CEACAM1: variants seen among roughly 807,000 people sequenced by gnomAD.
CEACAM1 encodes CEA cell adhesion molecule 1, also known as cell adhesion molecule CEACAM1.
CEACAM1 carries 31 observed loss-of-function variants against 49.1 expected under a neutral mutation model. That is an observed-to-expected ratio of 0.63 (90% CI 0.47 to 0.85). The LOEUF (loss-of-function observed/expected upper bound fraction) is 0.85. Ranked by LOEUF, CEACAM1 falls within the 40% of genes least tolerant of loss-of-function variation. The pLI is 0.00. For synonymous variants in CEACAM1, 244 were observed against 247.8 expected (o/e 0.98, Z 0.14); for missense variants, 570 against 645.3 (o/e 0.88, Z 1.26).
chr19:42,519,521 C>T (rs1049750117), intron 4 of CEACAM1: 10 of 349,326 alleles, frequency 2.9e-5, no homozygotes, highest in South Asian at 4.2e-5. Context: ...TTCTTCTCAG[C>T]GCACAGACCG....
At chr19:42,524,550 C>G (rs919948449) in intron 2 of CEACAM1, among the ~76,000 whole-genome samples, 1 of 152,170 alleles carries the variant, frequency 6.6e-6, no homozygotes, top group Non-Finnish European at 1.5e-5. Context: ...GCAGGGGTGG[C>G]TGCTCTGGGC....
At chr19:42,525,224 ATTT>A (rs538996240) in intron 2 of CEACAM1, among the ~76,000 whole-genome samples, 5 of 131,044 alleles carry the variant, frequency 3.8e-5, no homozygotes, top group Middle Eastern at 3.6e-3. Flanking sequence ...AGGCCTGAAC[ATTT>A]TTTTTTTTTT....
chr19:42,511,566 C>T lies in CEACAM1; in HGVS notation c.1429+10G>A. The T allele has an allele frequency of 6.2e-7, 1 of 1,610,796 alleles. No individual in the cohort carries two copies. The highest frequency in any genetic ancestry group is 8.5e-7 in the Non-Finnish European group (1 of 1,177,372). ...TACCAGTTCTCACTGGGGTAAGTGG[C>T]TTTACTTACTGTGGTTGGAGACTGA... On this transcript the variant is annotated intron_variant, in intron 7 of 8. Transcript: ENST00000161559.
chr19:42,524,336 C>T (rs2041835653), intron 2 of CEACAM1, among the ~76,000 whole-genome samples: 1 of 152,216 alleles, frequency 6.6e-6, no homozygotes, highest in African/African-American at 2.4e-5. Flanking sequence ...TGTGAGCCCA[C>T]AGCAGAACAG....
At chr19:42,512,683 C>CTT (rs753850463) in intron 5 of CEACAM1, among the ~76,000 whole-genome samples, 1 of 138,468 alleles carries the variant, frequency 7.2e-6, no homozygotes, top group African/African-American at 2.7e-5. Flanking sequence ...TTTTTCTTTT[C>CTT]TTTTTTTTTT....
rs961642665 is a variant in CEACAM1, at chr19:42,508,415, G to C, written c.*694C>G. 9 of 152,382 alleles carry C rather than the reference G, an allele frequency of 5.9e-5. No homozygotes were observed. Among genetic ancestry groups the C allele is most frequent in the African/African-American group, 2.2e-4 (9 of 41,428 alleles). 9.4% of individuals were successfully genotyped at this position (152,382 alleles called of 1,614,324 possible). A position where few individuals can be genotyped will look rare whatever the true frequency, so the allele number is the denominator to read the frequency against. On this transcript the variant is annotated 3_prime_UTR_variant, in exon 9 of 9. Coordinates refer to ENST00000161559, the MANE Select transcript of CEACAM1 (RefSeq NM_001712.5). ...TATGTGCTTTTGCATTTTCCATCAG[G>C]AATTGCCTTGGATTTTGGCAAGTGA...
At chr19:42,514,977 A>G (rs1435525613) in intron 5 of CEACAM1, 2 of 652,580 alleles carry the variant, frequency 3.1e-6, no homozygotes, top group Non-Finnish European at 5.5e-6. Flanking sequence ...AATCTTTAAA[A>G]TAACACTATG....
At chr19:42,511,205 G>A (rs143704591) in intron 7 of CEACAM1, 1 of 574,530 alleles carries the variant, frequency 1.7e-6, no homozygotes, top group Non-Finnish European at 3.1e-6. Flanking sequence ...TGGCAAGGAG[G>A]GGCATTGAGA....
intron 7 of CEACAM1, 94 bp from the exon 8 acceptor site, chr19:42,511,014 AG>A: frequency 2.6e-6 from 3 of 1,163,468 alleles, no homozygotes; most frequent in Non-Finnish European, 3.9e-6. Flanking sequence ...GAGGGTGGGG[AG>A]TTTAAGGATC....
At position 42,522,096 on chromosome 19, in the gene CEACAM1, C is replaced by G; in HGVS notation, c.531G>C (p.Leu177=). Residue 177 remains leucine, a synonymous_variant, in exon 3 of 9, where the codon CTG becomes CTC. Transcript: ENST00000161559. ...GGAGGCTCTGATTGTTTATCCACCA[C>G]AGGTAGGTTGTGTCCTGAGTCTCAG... ...CEPETQDTTY[L]WWINNQSLPV... is the part of the protein sequence containing the mutation. 1 of 1,614,186 alleles carries G rather than the reference C, an allele frequency of 6.2e-7. No homozygotes were observed. The highest frequency in any genetic ancestry group is 8.5e-7 in the Non-Finnish European group (1 of 1,180,040).
intron 5 of CEACAM1, among the ~76,000 whole-genome samples, chr19:42,514,741 G>A (rs2041556096): frequency 6.6e-6 from 1 of 152,272 alleles, no homozygotes; most frequent in Admixed American, 6.5e-5. Context: ...CCATAAAATA[G>A]TGCTGTCAGG....
At position 42,511,589 on chromosome 19, in the gene CEACAM1, T is replaced by C; in HGVS notation, c.1416A>G (p.Ser472=). 2 of 1,613,942 alleles carry C rather than the reference T, an allele frequency of 1.2e-6. No individual in the cohort carries two copies. The highest frequency in any genetic ancestry group is 1.7e-6 in the Non-Finnish European group (2 of 1,179,936). ...DQRDLTEHKP[S]VSNHTQDHSN... is the part of the protein sequence containing the mutation. Reference sequence around the variant, plus strand: ...GGCTTTACTTACTGTGGTTGGAGACTGAGGGTTTGTGCTCTGTGAGATCAC... The same window carrying C: ...GGCTTTACTTACTGTGGTTGGAGACCGAGGGTTTGTGCTCTGTGAGATCAC... The change falls in exon 7 of 9, where the codon TCA becomes TCG. Residue 472 remains serine, a synonymous_variant. Transcript: ENST00000161559.
At chr19:42,517,185 TGC>T (rs1229443427) in intron 5 of CEACAM1, among the ~76,000 whole-genome samples, 1 of 152,148 alleles carries the variant, frequency 6.6e-6, no homozygotes, top group African/African-American at 2.4e-5. Flanking sequence ...TAATTCAAAA[TGC>T]ATAAAAGACC....
intron 2 of CEACAM1, among the ~76,000 whole-genome samples, chr19:42,523,908 G>C (rs1357699886): frequency 6.6e-6 from 1 of 152,164 alleles, no homozygotes; most frequent in Non-Finnish European, 1.5e-5. Context: ...GGTCCTGTTA[G>C]GAAGACAGAA....
intron 2 of CEACAM1, among the ~76,000 whole-genome samples, chr19:42,525,045 G>C (rs547448690): frequency 2.6e-5 from 4 of 152,058 alleles, no homozygotes; most frequent in Non-Finnish European, 5.9e-5. Flanking sequence ...TCATTCATTC[G>C]TGAGAGAACT....
chr19:42,518,922 A>G, intron 5 of CEACAM1, 26 bp downstream of exon 5: 1 of 1,612,024 alleles, frequency 6.2e-7, no homozygotes, highest in South Asian at 1.1e-5. Context: ...AGAGGGACAT[A>G]TAGGAAGGGG....
At chr19:42,514,130 C>T (rs1213212193) in intron 5 of CEACAM1, among the ~76,000 whole-genome samples, 3 of 139,338 alleles carry the variant, frequency 2.2e-5, no homozygotes, top group Non-Finnish European at 4.5e-5. Context: ...TAATTTTTTT[C>T]TTTCTTTTTT....
chr19:42,513,495 G>T (rs1600216411), intron 5 of CEACAM1, among the ~76,000 whole-genome samples: 1 of 151,780 alleles, frequency 6.6e-6, no homozygotes, highest in East Asian at 1.9e-4. Context: ...TACTTGAGAG[G>T]CTGAGGCAGG....
intron 5 of CEACAM1, among the ~76,000 whole-genome samples, chr19:42,515,256 C>T (rs2041571361): frequency 6.6e-6 from 1 of 152,164 alleles, no homozygotes; most frequent in Non-Finnish European, 1.5e-5. Flanking sequence ...GAGTGACACC[C>T]TGTCTCAAAA....
Sources: allele counts gnomAD v4.1 joint callset (sites outside exome capture counted in the v4.1 genomes callset), GRCh38; gene constraint gnomAD v4.1.1; transcripts MANE v1.5; gene names NCBI Gene and HGNC (gene_info 2026-07-23, HGNC 2026-07-21).